The following GALNT17 variants were observed in gnomAD, a reference collection of about 807,000 sequenced individuals.
The protein encoded by GALNT17 is UDP-GalNAc:polypeptide N-acetylgalactosaminyltransferase-like 3.
In GALNT17, 29 loss-of-function variants were observed where a neutral mutation model predicts 63.7. The observed-to-expected ratio is 0.46, with a 90% CI of 0.34 to 0.62. GALNT17 has a LOEUF of 0.62. Ranked by LOEUF, GALNT17 falls within the 20% of genes least tolerant of loss-of-function variation. The pLI, the probability that GALNT17 is intolerant of heterozygous loss-of-function variation, is 0.01. For missense variants in GALNT17, 603 were observed against 799.6 expected, an observed-to-expected ratio of 0.75 and a Z score of 2.97; for synonymous variants, 305 against 318.3, an observed-to-expected ratio of 0.96 and a Z score of 0.45.
chr7:71,587,716 A>G (rs1480043479), intron 6 of GALNT17, among the ~76,000 whole-genome samples: 3 of 151,902 alleles, frequency 2.0e-5, no homozygotes, highest in Non-Finnish European at 2.9e-5. Flanking sequence ...CATTAAAAAA[A>G]CACTAATAAA....
In GALNT17 at chr7:71,443,512, G is replaced by C. The variant is rs1787105271; in HGVS notation, c.962+22407G>C. Among the ~76,000 whole-genome samples the C allele has an allele frequency of 3.9e-5, 6 of 152,156 alleles. No individual in the cohort carries two copies. In the South Asian group the frequency reaches 1.0e-3, roughly 26 times the overall value. ...TGCTCTATTAGTTCATCTTAGAGCT[G>C]GTTGTTTAAAAGAGCATGGCACTTT... is the stretch of plus-strand genomic sequence containing the variant. On this transcript the variant is annotated intron_variant, in intron 5 of 10. Coordinates refer to ENST00000333538, the MANE Select transcript of GALNT17 (RefSeq NM_022479.3).
chr7:71,683,743 C>T (rs1299763185), intron 9 of GALNT17, among the ~76,000 whole-genome samples: 2 of 152,132 alleles, frequency 1.3e-5, no homozygotes, highest in Non-Finnish European at 2.9e-5. Flanking sequence ...CGCACTGGCT[C>T]ACGCTTGTAA....
chr7:71,293,462 A>AT (rs1791021229), intron 1 of GALNT17, among the ~76,000 whole-genome samples: 1 of 152,036 alleles, frequency 6.6e-6, no homozygotes, highest in Admixed American at 6.6e-5. Context: ...GACATTGTGC[A>AT]TTTTTTTCAT....
chr7:71,307,994 T>C (rs1419367889), intron 1 of GALNT17, among the ~76,000 whole-genome samples: 2 of 151,852 alleles, frequency 1.3e-5, no homozygotes, highest in East Asian at 4.0e-4. Flanking sequence ...GGGACGTGCC[T>C]CATTGAGCCT....
At chr7:71,275,762 A>T (rs1293093022) in intron 1 of GALNT17, among the ~76,000 whole-genome samples, 1 of 152,214 alleles carries the variant, frequency 6.6e-6, no homozygotes, top group Non-Finnish European at 1.5e-5. Context: ...ATCTGTTGAT[A>T]GAACTCTCCT....
chr7:71,403,920 C>T (rs531421378), intron 3 of GALNT17, among the ~76,000 whole-genome samples: 14 of 152,172 alleles, frequency 9.2e-5, no homozygotes, highest in South Asian at 2.1e-4. Context: ...TCAATATCAC[C>T]GTAAATAAGA....
intron 5 of GALNT17, among the ~76,000 whole-genome samples, chr7:71,515,658 A>G (rs183999170): frequency 6.6e-6 from 1 of 152,168 alleles, no homozygotes; most frequent in Admixed American, 6.5e-5. Flanking sequence ...CCATGGGGAG[A>G]GGAGAATTAT....
chr7:71,252,374 A>C (rs1442482791), intron 1 of GALNT17, among the ~76,000 whole-genome samples: 2 of 151,954 alleles, frequency 1.3e-5, no homozygotes, highest in African/African-American at 4.8e-5. Context: ...AAAATATAAA[A>C]ATTACCTGGG....
At chr7:71,157,048 T>G (rs1788249600) in intron 1 of GALNT17, among the ~76,000 whole-genome samples, 1 of 151,072 alleles carries the variant, frequency 6.6e-6, no homozygotes, top group Non-Finnish European at 1.5e-5. Context: ...CTTTGGACTC[T>G]TAGGCTCAAG....
At chr7:71,410,485 A>T (rs1793410688) in intron 3 of GALNT17, among the ~76,000 whole-genome samples, 1 of 152,180 alleles carries the variant, frequency 6.6e-6, no homozygotes, top group African/African-American at 2.4e-5. Context: ...ACCTCAGGTG[A>T]TCCACCCACC....
chr7:71,709,141 T>C (rs977359033), intron 9 of GALNT17, among the ~76,000 whole-genome samples: 2 of 152,222 alleles, frequency 1.3e-5, no homozygotes, highest in Non-Finnish European at 2.9e-5. Flanking sequence ...TCCAAACTTC[T>C]TTCCACAGTG....
At chr7:71,598,419 A>G (rs550750817) in intron 6 of GALNT17, among the ~76,000 whole-genome samples, 354 of 152,306 alleles carry the variant, frequency 2.3e-3, no homozygotes, top group African/African-American at 7.4e-3. Flanking sequence ...GATATAGGCA[A>G]TGCACCCATA....
intron 1 of GALNT17, among the ~76,000 whole-genome samples, chr7:71,167,994 A>ACT (rs1356610698): frequency 6.6e-6 from 1 of 152,164 alleles, no homozygotes; most frequent in Non-Finnish European, 1.5e-5. Flanking sequence ...TTATAGTTTT[A>ACT]GGTTTTACAT....
intron 1 of GALNT17, among the ~76,000 whole-genome samples, chr7:71,317,066 C>T (rs1562996732): frequency 2.0e-5 from 3 of 152,202 alleles, no homozygotes; most frequent in African/African-American, 4.8e-5. Flanking sequence ...CACACACCTG[C>T]GGCCTCCGGC....
At chr7:71,158,614 T>A (rs987679314) in intron 1 of GALNT17, among the ~76,000 whole-genome samples, 1 of 151,690 alleles carries the variant, frequency 6.6e-6, no homozygotes, top group Admixed American at 6.6e-5. Context: ...TCTCGCTCTG[T>A]TGCCCAGGCT....
chr7:71,598,602 T>C (rs1789921849), intron 6 of GALNT17, among the ~76,000 whole-genome samples: 1 of 152,192 alleles, frequency 6.6e-6, no homozygotes, highest in South Asian at 2.1e-4. Context: ...GATCCATCCA[T>C]AGGAATGAGA....
intron 6 of GALNT17, among the ~76,000 whole-genome samples, chr7:71,659,131 G>A (rs1246339495): frequency 6.6e-6 from 1 of 152,112 alleles, no homozygotes; most frequent in African/African-American, 2.4e-5. Context: ...TAATTGCCTG[G>A]TGTGGACCCT....
intron 5 of GALNT17, among the ~76,000 whole-genome samples, chr7:71,458,160 T>A (rs1006604837): frequency 6.1e-4 from 93 of 152,306 alleles, no homozygotes; most frequent in African/African-American, 1.9e-3. Flanking sequence ...GCATTCAGCC[T>A]GTGTATGGAA....
chr7:71,475,246 A>G (rs576859753), intron 5 of GALNT17, among the ~76,000 whole-genome samples: 50 of 152,328 alleles, frequency 3.3e-4, no homozygotes, highest in African/African-American at 1.2e-3. Context: ...GGATGATTCA[A>G]GCACATTCCA....
Sources: allele counts gnomAD v4.1 joint callset (sites outside exome capture counted in the v4.1 genomes callset), GRCh38; gene constraint gnomAD v4.1.1; transcripts MANE v1.5; gene names NCBI Gene and HGNC (gene_info 2026-07-23, HGNC 2026-07-21).